Variants in ODF2 observed in about 807,000 individuals in gnomAD.
ODF2 encodes the protein outer dense fiber of sperm tails 2, also known as outer dense fiber protein 2.
ODF2 carries 47 observed loss-of-function variants against 110.2 expected under a neutral mutation model. The ratio of observed to expected loss-of-function variants is 0.43; its 90% confidence interval spans 0.34 to 0.54. The LOEUF (loss-of-function observed/expected upper bound fraction) is 0.54, where lower values mean the gene tolerates loss of function less well. Ranked by LOEUF, ODF2 falls within the 20% of genes least tolerant of loss-of-function variation. The pLI, the probability that ODF2 is intolerant of heterozygous loss-of-function variation, is 0.03. For missense variants in ODF2, 812 were observed against 1,054.5 expected, an observed-to-expected ratio of 0.77 and a Z score of 3.19; for synonymous variants, 352 against 397.7, an observed-to-expected ratio of 0.89 and a Z score of 1.37.
chr9:128,474,795 CTACTTGAAAAATACAAAAA>C (rs1333971227), intron 8 of ODF2, among the ~76,000 whole-genome samples: 5 of 151,918 alleles, frequency 3.3e-5, no homozygotes, highest in Non-Finnish European at 7.4e-5. Flanking sequence ...AACCCCATCT[CTACTTGAAAAATACAAAAA>C]TGAGCCTGGC....
At chr9:128,495,415 A>T (rs1450978336) in intron 17 of ODF2, among the ~76,000 whole-genome samples, 1 of 152,246 alleles carries the variant, frequency 6.6e-6, no homozygotes, top group Non-Finnish European at 1.5e-5. Context: ...AGTACCTAGT[A>T]AGCAGGGATT....
At chr9:128,481,612 A>G in exon 9 of ODF2, 1 of 1,614,086 alleles carries the variant, frequency 6.2e-7, no homozygotes, top group South Asian at 1.1e-5. Flanking sequence ...AACAAGGAGC[A>G]CTGCTGAAAC....
intron 6 of ODF2, 87 bp from the exon 7 acceptor site, chr9:128,472,826 G>T (rs1840360241): frequency 6.3e-7 from 1 of 1,582,290 alleles, no homozygotes; most frequent in Non-Finnish European, 8.6e-7. Context: ...CCAGAGGTGA[G>T]CCCCCTAGGG....
intron 1 of ODF2, chr9:128,456,783 C>T (rs1344152046): frequency 3.8e-6 from 5 of 1,303,780 alleles, no homozygotes; most frequent in Middle Eastern, 2.8e-4. Context: ...CCCGCCCCCT[C>T]CCAGCCCGGC....
chr9:128,488,797 A>G (rs1264107089), intron 14 of ODF2, among the ~76,000 whole-genome samples: 1 of 152,168 alleles, frequency 6.6e-6, no homozygotes, highest in East Asian at 1.9e-4. Context: ...TGAGGTCAGG[A>G]GTTCAAGACC....
chr9:128,492,309 C>T, intron 14 of ODF2, 117 bp from the exon 15 acceptor site: 1 of 715,460 alleles, frequency 1.4e-6, no homozygotes. Context: ...AGGGAAAGTG[C>T]TCTGTGGGTT....
chr9:128,497,178 A>G (rs998749475), intron 18 of ODF2, among the ~76,000 whole-genome samples: 1 of 151,696 alleles, frequency 6.6e-6, no homozygotes, highest in Non-Finnish European at 1.5e-5. Context: ...AATATGAGGA[A>G]ACTGAGCTTG....
rs576401423 is a variant in ODF2 at position 128,465,295 on chromosome 9, C to T, written c.250-3888C>T. Among the ~76,000 whole-genome samples, 4 of 152,284 alleles carry T rather than the reference C, an allele frequency of 2.6e-5. No homozygotes were observed. In the South Asian group the frequency reaches 8.3e-4, roughly 32 times the overall value. ...CTGTCCTTCATGGACGGAAGGGGAA[C>T]AGCCCCTGGAGGTGGAAGTTTGAGG... is the stretch of plus-strand genomic sequence containing the variant. On this transcript the variant is annotated intron_variant, in intron 4 of 20. Transcript: ENST00000604420.
intron 16 of ODF2, 89 bp downstream of exon 16, chr9:128,492,894 C>G: frequency 5.1e-6 from 6 of 1,175,626 alleles, no homozygotes; most frequent in Non-Finnish European, 7.4e-6. Context: ...TTGCCTTTGA[C>G]CCTACCTGAT....
At chr9:128,499,987 C>T (rs1470866731) in intron 20 of ODF2, 80 bp from the exon 21 acceptor site, 26 of 1,515,376 alleles carry the variant, frequency 1.7e-5, no homozygotes, top group Non-Finnish European at 2.2e-5. Flanking sequence ...CCTGGCAACT[C>T]CTAAGAAAGT....
intron 2 of ODF2, among the ~76,000 whole-genome samples, chr9:128,457,942 TA>T (rs142326141): frequency 0.023 from 1,383 of 60,900 alleles, 14 homozygotes; most frequent in African/African-American, 0.069. Flanking sequence ...TATATATATA[TA>T]TTTTTTTTTT....
At chr9:128,473,343 T>G (rs1344147197) in intron 7 of ODF2, 2 of 817,636 alleles carry the variant, frequency 2.4e-6, no homozygotes, top group Admixed American at 1.2e-4. Flanking sequence ...CATCCTCCTT[T>G]GCTTCCTCCA....
intron 8 of ODF2, among the ~76,000 whole-genome samples, chr9:128,479,393 A>G (rs1841992299): frequency 1.3e-5 from 2 of 152,230 alleles, no homozygotes; most frequent in African/African-American, 4.8e-5. Flanking sequence ...GGCTCATATG[A>G]GAGGATGCTA....
Position 128,484,070 on chromosome 9 carries a change from A to C in ODF2, c.1104+16A>C. ...GCAGATTAAGGTACCTATTGGCCCC[A>C]CAAGTGGGGAAAGAGGAGGCAAGGG... On this transcript the variant is annotated intron_variant, in intron 11 of 20. Transcript: ENST00000604420. 1 of 1,580,374 alleles carries C rather than the reference A, an allele frequency of 6.3e-7. No individual in the cohort carries two copies. Among genetic ancestry groups the C allele is most frequent in the Non-Finnish European group, 8.7e-7 (1 of 1,155,938 alleles).
chr9:128,499,810 A>G lies in ODF2; in HGVS notation c.2302-257A>G, dbSNP rs1589025501. On this transcript the variant is annotated intron_variant, in intron 20 of 20. Coordinates refer to ENST00000604420, the Ensembl canonical transcript of ODF2. The stretch of plus-strand genomic sequence containing the variant: ...TTTTTTGTAGAGATAGAGTCTCACT[A>G]TGTTGCCCATGCTGGTCTTGAACTC... Among the ~76,000 whole-genome samples the G allele has an allele frequency of 3.3e-5, 5 of 152,086 alleles. 1 individual carries two copies. Among genetic ancestry groups the G allele is most frequent in the Admixed American group, 3.3e-4 (5 of 15,262 alleles).
rs149869922 is a variant in ODF2, at chr9:128,464,607, C to G, written c.249+3540C>G. Among the ~76,000 whole-genome samples the G allele has an allele frequency of 3.6e-3, 540 of 152,072 alleles. 3 individuals are homozygous for G. Among genetic ancestry groups the G allele is most frequent in the Admixed American group, 8.3e-3 (126 of 15,242 alleles). The stretch of plus-strand genomic sequence containing the variant: ...CTCCACCTCCCAGGTTCAAGTGATT[C>G]TCCTGCCTCAGCCTCTGAGTTAGCT... On this transcript the variant is annotated intron_variant, in intron 4 of 20. Coordinates refer to ENST00000604420, the Ensembl canonical transcript of ODF2.
At chr9:128,462,826 C>T (rs1454275501) in intron 4 of ODF2, among the ~76,000 whole-genome samples, 1 of 152,160 alleles carries the variant, frequency 6.6e-6, no homozygotes, top group Middle Eastern at 3.4e-3. Context: ...ATCTCCTGAC[C>T]TCATGATCCG....
At chr9:128,456,244 G>A (rs952871446) in exon 1 of ODF2, 1 of 1,544,780 alleles carries the variant, frequency 6.5e-7, no homozygotes. Flanking sequence ...GGGCGCAGCC[G>A]TGTCGCTCCT....
Position 128,472,987 on chromosome 9 carries a change from C to T in ODF2, c.656C>T (p.Ala219Val), listed in dbSNP as rs1470085306. The T allele has an allele frequency of 1.9e-6, 3 of 1,614,114 alleles. No individual in the cohort carries two copies. Among genetic ancestry groups the T allele is most frequent in the Non-Finnish European group, 2.5e-6 (3 of 1,180,010 alleles). The change falls in exon 7 of 21, where the codon GCT becomes GTT. Residue 219 changes from alanine to valine, a missense_variant. Ala to Val is a moderately conservative substitution (Grantham distance 64, BLOSUM62 0). Transcript: ENST00000604420. Reference sequence around the variant, plus strand: ...CTGGTGGAGGCGGAAATGGATGGGGCTGCGGCTGCCAAGCAGGTCATGGCC... The same window carrying T: ...CTGGTGGAGGCGGAAATGGATGGGGTTGCGGCTGCCAAGCAGGTCATGGCC...
Sources: allele counts gnomAD v4.1 joint callset (sites outside exome capture counted in the v4.1 genomes callset), GRCh38; gene constraint gnomAD v4.1.1; transcripts MANE v1.5; gene names NCBI Gene and HGNC (gene_info 2026-07-23, HGNC 2026-07-21).